Variants in ATP10B observed in about 807,000 individuals in gnomAD.
ATP10B encodes the protein phospholipid-transporting ATPase VB.
In ATP10B, 122 loss-of-function variants were observed where a neutral mutation model predicts 141.2. That is an observed-to-expected ratio of 0.86 (90% confidence interval 0.75 to 1.00). ATP10B has a LOEUF of 1.00. ATP10B is among the 50% of genes least tolerant of loss of function. The pLI, the probability that ATP10B is intolerant of heterozygous loss-of-function variation, is 0.00. For synonymous variants in ATP10B, 685 were observed against 692.0 expected (o/e 0.99, Z 0.16); for missense variants, 1,876 against 1,825.3 (o/e 1.03, Z -0.51).
intron 24 of ATP10B, among the ~76,000 whole-genome samples, chr5:160,574,007 C>A (rs1990886): frequency 0.79 from 119,497 of 152,166 alleles, 47,077 homozygotes; most frequent in East Asian, 0.85. Context: ...GAGTACTTTA[C>A]ATTCCTCTAG....
chr5:160,565,639 T>TC lies in ATP10B; in HGVS notation c.4199_4200insG (p.Gln1401ThrfsTer11). Reference sequence around the variant, plus strand: ...TCATGCACTCCGTGCCACATCTCTGTTCGTGGAGTACTGACTCTTCCACAT... The same window carrying TC: ...TCATGCACTCCGTGCCACATCTCTGTCTCGTGGAGTACTGACTCTTCCACAT... On this transcript the variant is annotated frameshift_variant, in exon 26 of 26. Coordinates refer to ENST00000327245, the MANE Select transcript of ATP10B (RefSeq NM_025153.3). LOFTEE classifies it low-confidence loss of function (END_TRUNC). 6.2e-7 allele frequency: 1 copy of TC among 1,614,128 alleles called. No homozygotes were observed. Among genetic ancestry groups the TC allele is most frequent in the Middle Eastern group, 1.6e-4 (1 of 6,062 alleles).
chr5:160,571,930 C>A (rs993377912), intron 24 of ATP10B, among the ~76,000 whole-genome samples: 1 of 152,122 alleles, frequency 6.6e-6, no homozygotes, highest in Non-Finnish European at 1.5e-5. Flanking sequence ...ATTGGGTGTA[C>A]TTCTGAGTAT....
intron 1 of ATP10B, among the ~76,000 whole-genome samples, chr5:160,786,740 G>C (rs1205360822): frequency 6.6e-6 from 1 of 152,098 alleles, no homozygotes; most frequent in Non-Finnish European, 1.5e-5. Context: ...GCAAGGTAAA[G>C]ATTATTCACA....
chr5:160,604,686 A>C (rs1757279400), intron 19 of ATP10B, among the ~76,000 whole-genome samples: 1 of 152,118 alleles, frequency 6.6e-6, no homozygotes, highest in Non-Finnish European at 1.5e-5. Flanking sequence ...TTGTTTCAGG[A>C]AACTGGAGGT....
chr5:160,645,803 C>A (rs1760238445), intron 8 of ATP10B, among the ~76,000 whole-genome samples: 1 of 152,118 alleles, frequency 6.6e-6, no homozygotes, highest in Non-Finnish European at 1.5e-5. Flanking sequence ...ATCGCTAAGT[C>A]CAGTTATAAG....
At chr5:160,857,291 G>T in the ATP10B span, among the ~76,000 whole-genome samples, 6 of 150,352 alleles carry the variant, frequency 4.0e-5, no homozygotes, top group African/African-American at 1.5e-4. Flanking sequence ...TTGGTAGTTT[G>T]TATTTTTTTT....
chr5:160,845,029 C>T (rs2127989572), intron 1 of ATP10B, among the ~76,000 whole-genome samples: 1 of 152,206 alleles, frequency 6.6e-6, no homozygotes, highest in Middle Eastern at 3.4e-3. Context: ...TTATTTGTTT[C>T]ATGTTGACTT....
At chr5:160,826,352 G>C (rs889513019) in intron 1 of ATP10B, among the ~76,000 whole-genome samples, 2 of 152,108 alleles carry the variant, frequency 1.3e-5, no homozygotes, top group Admixed American at 1.3e-4. Flanking sequence ...CATGGCAGAG[G>C]AACGTAAATC....
chr5:160,860,347 G>A, the ATP10B span, among the ~76,000 whole-genome samples: 1 of 151,920 alleles, frequency 6.6e-6, no homozygotes, highest in Non-Finnish European at 1.5e-5. Flanking sequence ...TCTAGTAAAT[G>A]TCACATTGTT....
intron 15 of ATP10B, 129 bp downstream of exon 15, chr5:160,620,218 A>T: frequency 8.4e-7 from 1 of 1,194,714 alleles, no homozygotes; most frequent in Non-Finnish European, 1.2e-6. Flanking sequence ...AACATCTTGT[A>T]GGTCTGTATT....
chr5:160,874,728 G>A, the ATP10B span, among the ~76,000 whole-genome samples: 122 of 152,216 alleles, frequency 8.0e-4, no homozygotes, highest in Non-Finnish European at 1.0e-3. Context: ...CCAGAACTAC[G>A]TGAAGAATGC....
rs1380804580 is a variant in ATP10B at position 160,787,134 on chromosome 5, AC to A, written c.-575-1332del. 2.7e-5 allele frequency among the ~76,000 whole-genome samples: 4 copies of A among 150,256 alleles called. No individual in the cohort carries two copies. In the East Asian group the frequency reaches 5.8e-4, roughly 22 times the overall value. ...CACACACACACACACACACACACAC[AC>A]ACACACACACACACATTATTTGAAC... On this transcript the variant is annotated intron_variant, in intron 1 of 25. Transcript: ENST00000327245.
the ATP10B span, among the ~76,000 whole-genome samples, chr5:160,862,959 T>C: frequency 2.0e-5 from 3 of 152,004 alleles, no homozygotes; most frequent in South Asian, 4.1e-4. Flanking sequence ...ATAATAGTGA[T>C]ACAAAAGAAA....
intron 11 of ATP10B, among the ~76,000 whole-genome samples, chr5:160,635,364 AG>A (rs1287780527): frequency 6.9e-6 from 1 of 144,638 alleles, no homozygotes; most frequent in Non-Finnish European, 1.6e-5. Context: ...GAGGGCTGCG[AG>A]GGGAGGTCAG....
intron 3 of ATP10B, among the ~76,000 whole-genome samples, chr5:160,702,430 C>T (rs915414760): frequency 3.3e-5 from 5 of 152,104 alleles, no homozygotes; most frequent in Non-Finnish European, 5.9e-5. Context: ...AAAACAACCA[C>T]GGTAGCATGC....
intron 22 of ATP10B, among the ~76,000 whole-genome samples, chr5:160,593,693 A>C (rs1417407431): frequency 1.3e-5 from 2 of 152,250 alleles, no homozygotes; most frequent in African/African-American, 4.8e-5. Flanking sequence ...GAACTAGAAT[A>C]ACTAATACAG....
chr5:160,580,951 T>C (rs535809988), intron 24 of ATP10B, among the ~76,000 whole-genome samples: 2 of 152,284 alleles, frequency 1.3e-5, no homozygotes, highest in African/African-American at 4.8e-5. Context: ...TGTGTAGAGG[T>C]GTTTATAGTA....
intron 13 of ATP10B, among the ~76,000 whole-genome samples, chr5:160,629,167 A>C: frequency 6.6e-6 from 1 of 151,976 alleles, no homozygotes; most frequent in East Asian, 1.9e-4. Context: ...CAGGTGCAGG[A>C]AGGCACAGAA....
At chr5:160,666,655 A>G (rs1235311785) in intron 7 of ATP10B, among the ~76,000 whole-genome samples, 2 of 152,160 alleles carry the variant, frequency 1.3e-5, no homozygotes, top group African/African-American at 2.4e-5. Context: ...GGGAAATCCT[A>G]TGGTACCGAG....
Sources: allele counts gnomAD v4.1 joint callset (sites outside exome capture counted in the v4.1 genomes callset), GRCh38; gene constraint gnomAD v4.1.1; transcripts MANE v1.5; gene names NCBI Gene and HGNC (gene_info 2026-07-23, HGNC 2026-07-21).